The following FARP2 variants were observed in gnomAD, a reference collection of about 807,000 sequenced individuals.
FARP2 encodes the protein FERM, ARH/RhoGEF and pleckstrin domain protein 2, also known as FERM, ARHGEF and pleckstrin domain-containing protein 2.
Under a neutral mutation model 130.5 loss-of-function variants are expected in FARP2, and 111 were observed. The ratio of observed to expected loss-of-function variants is 0.85; its 90% CI spans 0.73 to 1.00. The LOEUF (loss-of-function observed/expected upper bound fraction) is 1.00. FARP2 is among the 50% of genes least tolerant of loss of function. The probability of loss-of-function intolerance (pLI) is 0.00; values close to 1 mark genes in which losing one functional copy is unlikely to be tolerated. For missense variants in FARP2, 1,385 were observed against 1,346.3 expected (o/e 1.03, Z -0.45); for synonymous variants, 504 against 516.9 (o/e 0.98, Z 0.34).
intron 23 of FARP2, 36 bp from the exon 24 acceptor site, chr2:241,491,480 G>C: frequency 6.2e-7 from 1 of 1,610,944 alleles, no homozygotes; most frequent in Non-Finnish European, 8.5e-7. Context: ...GAGGCCACAG[G>C]GGGTTCCCCC....
chr2:241,481,353 C>G (rs1050608199), intron 19 of FARP2, among the ~76,000 whole-genome samples: 3 of 152,246 alleles, frequency 2.0e-5, no homozygotes, highest in African/African-American at 7.2e-5. Flanking sequence ...ACTCAATACT[C>G]TCAACATAAA....
In FARP2 at chr2:241,425,634, TAAAAAAAAA is replaced by T. The variant is rs1167925220; in HGVS notation, c.772-6025_772-6017del. 8.7e-5 allele frequency among the ~76,000 whole-genome samples: 4 copies of T among 45,956 alleles called. No homozygotes were observed. In the Admixed American group the frequency reaches 1.0e-3, roughly 12 times the overall value. The allele number at this position is 45,956 out of a possible 152,430, so 30.1% of individuals were successfully genotyped here. A position where few individuals can be genotyped will look rare whatever the true frequency, so the allele number is the denominator to read the frequency against. On this transcript the variant is annotated intron_variant, in intron 8 of 26. Coordinates refer to ENST00000264042, the MANE Select transcript of FARP2 (RefSeq NM_014808.4). ...ATTGAGGCAATAATATCCTACCAAG[TAAAAAAAAA>T]AAAAAAAAAAAAAAAAAAAGTAGCC...
intron 8 of FARP2, among the ~76,000 whole-genome samples, chr2:241,422,490 T>G (rs1021847247): frequency 6.6e-6 from 1 of 151,666 alleles, no homozygotes; most frequent in Non-Finnish European, 1.5e-5. Context: ...AGATCAAAGT[T>G]TGATAAACCC....
chr2:241,416,815 G>A (rs527746986), intron 7 of FARP2, among the ~76,000 whole-genome samples: 9 of 152,088 alleles, frequency 5.9e-5, no homozygotes, highest in South Asian at 2.1e-4. Flanking sequence ...AGACTGAGGC[G>A]AAAGGATCGC....
At chr2:241,435,605 G>A (rs1174030710) in intron 11 of FARP2, among the ~76,000 whole-genome samples, 30 of 148,876 alleles carry the variant, frequency 2.0e-4, no homozygotes, top group African/African-American at 5.0e-4. Flanking sequence ...TCCGCCTCCC[G>A]GGTTCACACC....
intron 19 of FARP2, among the ~76,000 whole-genome samples, chr2:241,481,659 T>C (rs555502459): frequency 2.0e-5 from 3 of 152,332 alleles, no homozygotes; most frequent in South Asian, 4.1e-4. Flanking sequence ...TCATGTTACA[T>C]AGTGTTATTT....
intron 2 of FARP2, among the ~76,000 whole-genome samples, chr2:241,376,576 TC>T (rs2061540607): frequency 6.6e-6 from 1 of 152,220 alleles, no homozygotes; most frequent in African/African-American, 2.4e-5. Context: ...GGCAGGCTTG[TC>T]CCGCCCCCCT....
At position 241,403,848 on chromosome 2, in the gene FARP2, A is replaced by G. The variant is rs138748557; in HGVS notation, c.204A>G (p.Val68=). 10 of 1,613,066 alleles carry G rather than the reference A, an allele frequency of 6.2e-6. No individual in the cohort carries two copies. The African/African-American group carries it at 1.3e-4, about 22-fold the overall frequency. Reference sequence around the variant, plus strand: ...CACAGCCTAAATGCGATGGCCAGGTATTACTGACACAAGTGTGGAAGCGTT... The same window carrying G: ...CACAGCCTAAATGCGATGGCCAGGTGTTACTGACACAAGTGTGGAAGCGTT... ...FDIEPKCDGQ[V]LLTQVWKRLN... Residue 68 remains valine (V), a synonymous_variant, in exon 3 of 27, where the codon GTA becomes GTG. Coordinates refer to ENST00000264042, the MANE Select transcript of FARP2 (RefSeq NM_014808.4).
intron 18 of FARP2, among the ~76,000 whole-genome samples, chr2:241,469,933 A>G (rs1237127256): frequency 6.6e-6 from 1 of 152,268 alleles, no homozygotes; most frequent in Non-Finnish European, 1.5e-5. Context: ...TCAACTCAAC[A>G]GAACACTGAT....
At chr2:241,386,396 G>A (rs576505570) in intron 2 of FARP2, among the ~76,000 whole-genome samples, 1 of 152,222 alleles carries the variant, frequency 6.6e-6, no homozygotes, top group Non-Finnish European at 1.5e-5. Context: ...ATTGCTCCCC[G>A]CTCAGCAGTG....
intron 1 of FARP2, among the ~76,000 whole-genome samples, chr2:241,366,140 C>CGTATATATATATATATAT (rs1559702356): frequency 5.6e-5 from 1 of 17,992 alleles, no homozygotes; most frequent in South Asian, 1.2e-3. Flanking sequence ...TATATATATA[C>CGTATATATATATATATAT]ACACACACAT....
intron 23 of FARP2, 26 bp from the exon 24 acceptor site, chr2:241,491,490 C>G: frequency 6.2e-7 from 1 of 1,612,120 alleles, no homozygotes; most frequent in South Asian, 1.1e-5. Context: ...GGGGTTCCCC[C>G]TGAGACGCTG....
intron 8 of FARP2, among the ~76,000 whole-genome samples, chr2:241,430,226 A>G (rs1374300158): frequency 6.6e-6 from 1 of 152,174 alleles, no homozygotes; most frequent in Admixed American, 6.5e-5. Context: ...TCCTTCTCAC[A>G]TGTCCTTTCA....
At chr2:241,409,179 C>T (rs893280849) in intron 5 of FARP2, among the ~76,000 whole-genome samples, 2 of 151,258 alleles carry the variant, frequency 1.3e-5, no homozygotes, top group Non-Finnish European at 3.0e-5. Context: ...ACTCCCTTCT[C>T]CCCCATATTT....
At chr2:241,465,395 G>C (rs1249876765) in intron 17 of FARP2, 22 of 1,280,878 alleles carry the variant, frequency 1.7e-5, no homozygotes, top group Admixed American at 2.0e-5. Context: ...TAGCTGCTGT[G>C]GGGAGGGCAG....
chr2:241,370,667 A>G (rs1000072468), intron 1 of FARP2, among the ~76,000 whole-genome samples: 14 of 152,216 alleles, frequency 9.2e-5, no homozygotes, highest in African/African-American at 1.9e-4. Context: ...AGAACTTCAT[A>G]TATCTCATGT....
At chr2:241,375,726 T>G (rs1280846986) in intron 2 of FARP2, among the ~76,000 whole-genome samples, 2 of 152,084 alleles carry the variant, frequency 1.3e-5, no homozygotes, top group African/African-American at 4.8e-5. Context: ...AAGAAAATGG[T>G]CTTGCATATT....
At chr2:241,462,744 C>T (rs990474996) in intron 15 of FARP2, 132 bp downstream of exon 15, 39 of 640,388 alleles carry the variant, frequency 6.1e-5, no homozygotes, top group African/African-American at 9.2e-5. Context: ...GGCTGGAGTG[C>T]GGTGGCATGA....
intron 2 of FARP2, among the ~76,000 whole-genome samples, chr2:241,381,012 CT>C (rs1359740197): frequency 6.6e-6 from 1 of 152,166 alleles, no homozygotes; most frequent in African/African-American, 2.4e-5. Context: ...CCTTACCCCC[CT>C]GATGGAATGT....
Sources: allele counts gnomAD v4.1 joint callset (sites outside exome capture counted in the v4.1 genomes callset), GRCh38; gene constraint gnomAD v4.1.1; transcripts MANE v1.5; gene names NCBI Gene and HGNC (gene_info 2026-07-23, HGNC 2026-07-21).